The following EPC2 variants were observed in gnomAD, a reference collection of about 807,000 sequenced individuals.
The protein encoded by EPC2 is enhancer of polycomb 2, also known as enhancer of polycomb homolog 2.
EPC2 carries 14 observed loss-of-function variants against 92.1 expected under a neutral mutation model. The observed-to-expected ratio is 0.15, with a 90% CI of 0.10 to 0.24. The LOEUF is 0.24. EPC2 is among the 10% of genes least tolerant of loss of function. EPC2 has a pLI of 1.00. For synonymous variants in EPC2, 340 were observed against 334.7 expected, an observed-to-expected ratio of 1.02 and a Z score of -0.17; for missense variants, 755 against 971.5, an observed-to-expected ratio of 0.78 and a Z score of 2.96.
chr2:148,730,889 G>A (rs1014821834), intron 2 of EPC2, among the ~76,000 whole-genome samples: 7 of 152,056 alleles, frequency 4.6e-5, no homozygotes, highest in East Asian at 1.9e-4. Flanking sequence ...TTAAATCTAC[G>A]TTTTATATTT....
chr2:148,723,536 T>A (rs1445752851), intron 2 of EPC2, among the ~76,000 whole-genome samples: 2 of 152,202 alleles, frequency 1.3e-5, no homozygotes, highest in Non-Finnish European at 2.9e-5. Flanking sequence ...TTCACCTCTG[T>A]CTCCAGTTTT....
At chr2:148,733,154 A>G (rs1356882882) in intron 2 of EPC2, among the ~76,000 whole-genome samples, 1 of 149,642 alleles carries the variant, frequency 6.7e-6, no homozygotes, top group African/African-American at 2.4e-5. Flanking sequence ...GTATCTCTTG[A>G]TAATATCACA....
chr2:148,674,797 C>T (rs1681230994), intron 1 of EPC2, among the ~76,000 whole-genome samples: 1 of 152,112 alleles, frequency 6.6e-6, no homozygotes, highest in African/African-American at 2.4e-5. Flanking sequence ...TGGGGTACTG[C>T]AATTTCTCAG....
Position 148,690,270 on chromosome 2 carries a change from G to T in EPC2, c.210G>T (p.Glu70Asp). ...SAQQVFREKK[E>D]SMVIPVPEAE... ...AGCAAGTGTTTAGAGAAAAAAAAGA[G>T]AGTATGGTCATTCCTGTTCCTGAGG... is the stretch of plus-strand genomic sequence containing the variant. Residue 70 changes from glutamate to aspartate, a missense_variant, in exon 2 of 14, where the codon GAG (glutamate) becomes GAT (aspartate). By Grantham distance (45) the Glu-to-Asp change is conservative. Around this residue, in one of 4 missense-constraint regions of EPC2, gnomAD observed 509 missense variants for 607.7 expected, o/e 0.84. Transcript: ENST00000258484. 1 of 1,611,690 alleles carries T rather than the reference G, an allele frequency of 6.2e-7. No homozygotes were observed. Among genetic ancestry groups the T allele is most frequent in the Admixed American group, 1.7e-5 (1 of 59,328 alleles).
At chr2:148,779,472 A>C (rs2105438994) in intron 10 of EPC2, among the ~76,000 whole-genome samples, 1 of 152,212 alleles carries the variant, frequency 6.6e-6, no homozygotes, top group East Asian at 1.9e-4. Flanking sequence ...AGTTCCAACT[A>C]CTCAGGAGGC....
Position 148,657,319 on chromosome 2 carries a change from T to G in EPC2, c.153+12149T>G, listed in dbSNP as rs1215963666. ...TTGTTTATACATTATAGGTGCTTGG[T>G]CAGTAGGAGTTTATTTGAAATAGCC... On this transcript the variant is annotated intron_variant, in intron 1 of 13. Coordinates refer to ENST00000258484, the MANE Select transcript of EPC2 (RefSeq NM_015630.4). Among the ~76,000 whole-genome samples, 3 of 152,262 alleles carry G rather than the reference T, an allele frequency of 2.0e-5. No individual in the cohort carries two copies. The East Asian group carries it at 5.8e-4, about 29-fold the overall frequency.
At chr2:148,674,083 A>C (rs1681208105) in intron 1 of EPC2, among the ~76,000 whole-genome samples, 1 of 152,178 alleles carries the variant, frequency 6.6e-6, no homozygotes, top group African/African-American at 2.4e-5. Flanking sequence ...TTGAAAAAAC[A>C]GGCATCTCTC....
At chr2:148,688,386 A>C (rs1019925275) in intron 1 of EPC2, among the ~76,000 whole-genome samples, 1 of 152,040 alleles carries the variant, frequency 6.6e-6, no homozygotes, top group Non-Finnish European at 1.5e-5. Flanking sequence ...CAGGAAGGGG[A>C]ACATCACACA....
chr2:148,715,008 C>G (rs1205048808), intron 2 of EPC2, among the ~76,000 whole-genome samples: 1 of 149,080 alleles, frequency 6.7e-6, no homozygotes, highest in African/African-American at 2.5e-5. Context: ...ATGGTATCGC[C>G]TAGATTTTCT....
chr2:148,762,650 A>AT lies in EPC2; in HGVS notation c.816-15dup. On this transcript the variant is annotated intron_variant, in intron 5 of 13. Transcript: ENST00000258484. Reference sequence around the variant, plus strand: ...GTCAAACTATGCAATGTTTTCTTATATTTTTGTTACCTTTTCAAGATACCA... The same window carrying AT: ...GTCAAACTATGCAATGTTTTCTTATATTTTTTGTTACCTTTTCAAGATACCA... 1.3e-6 allele frequency: 2 copies of AT among 1,539,894 alleles called. No homozygotes were observed. The highest frequency in any genetic ancestry group is 1.8e-6 in the Non-Finnish European group (2 of 1,142,452).
intron 1 of EPC2, among the ~76,000 whole-genome samples, chr2:148,659,961 G>A (rs1417348221): frequency 6.6e-6 from 1 of 151,950 alleles, no homozygotes; most frequent in Non-Finnish European, 1.5e-5. Context: ...ACCCCAGATT[G>A]TTTACATTAT....
At chr2:148,737,861 C>T (rs1268114704) in intron 2 of EPC2, among the ~76,000 whole-genome samples, 3 of 151,714 alleles carry the variant, frequency 2.0e-5, no homozygotes, top group African/African-American at 7.3e-5. Context: ...AGAAAGTTTA[C>T]GAATCTGTGT....
At chr2:148,778,683 G>A (rs60228233) in intron 10 of EPC2, among the ~76,000 whole-genome samples, 5,147 of 152,070 alleles carry the variant, frequency 0.034, 290 homozygotes, top group African/African-American at 0.12. Flanking sequence ...TTTTGTATGT[G>A]TTCCAATTTT....
chr2:148,786,462 CA>C lies in EPC2; in HGVS notation c.*86del. 1 of 1,070,850 alleles carries C rather than the reference CA, an allele frequency of 9.3e-7. No homozygotes were observed. The highest frequency in any genetic ancestry group is 1.4e-5 in the South Asian group (1 of 73,138). The allele number at this position is 1,070,850 out of a possible 1,614,324, so 66.3% of individuals were successfully genotyped here. A position where few individuals can be genotyped will look rare whatever the true frequency, so the allele number is the denominator to read the frequency against. On this transcript the variant is annotated 3_prime_UTR_variant, in exon 14 of 14. Coordinates refer to ENST00000258484, the MANE Select transcript of EPC2 (RefSeq NM_015630.4). ...ATGCAAAAGGCAACACTCTGTGGAT[CA>C]CAGAGTGTAACAATGGACCTAAATG...
intron 6 of EPC2, among the ~76,000 whole-genome samples, 151 bp downstream of exon 6, chr2:148,762,953 T>C (rs1424047988): frequency 1.3e-5 from 2 of 152,012 alleles, no homozygotes; most frequent in Admixed American, 1.3e-4. Flanking sequence ...TTGCTAGGAG[T>C]ATTTATATAC....
intron 3 of EPC2, among the ~76,000 whole-genome samples, chr2:148,747,366 G>C (rs1388021922): frequency 6.6e-6 from 1 of 151,954 alleles, no homozygotes; most frequent in Non-Finnish European, 1.5e-5. Context: ...TTGTGTACCT[G>C]TATAGTCCTC....
At chr2:148,707,746 C>T (rs1682035788) in intron 2 of EPC2, among the ~76,000 whole-genome samples, 1 of 152,192 alleles carries the variant, frequency 6.6e-6, no homozygotes, top group South Asian at 2.1e-4. Context: ...TCCTGAATGA[C>T]TACTGGGTAC....
intron 1 of EPC2, among the ~76,000 whole-genome samples, chr2:148,670,730 C>T (rs1681139057): frequency 1.3e-5 from 2 of 152,108 alleles, no homozygotes; most frequent in African/African-American, 4.8e-5. Flanking sequence ...CCCCTCCCTT[C>T]CCCTCGGTCT....
intron 1 of EPC2, among the ~76,000 whole-genome samples, chr2:148,686,593 C>A (rs1393144010): frequency 6.6e-6 from 1 of 152,192 alleles, no homozygotes; most frequent in Non-Finnish European, 1.5e-5. Flanking sequence ...GCAGCTATTG[C>A]CTTACAAAAT....
Sources: allele counts gnomAD v4.1 joint callset (sites outside exome capture counted in the v4.1 genomes callset), GRCh38; gene constraint gnomAD v4.1.1; regional missense constraint gnomAD v4.1.1; transcripts MANE v1.5; gene names NCBI Gene and HGNC (gene_info 2026-07-23, HGNC 2026-07-21).